The following FSHR variants were observed in gnomAD, a reference collection of about 807,000 sequenced individuals.
FSHR encodes follicle-stimulating hormone receptor.
In FSHR, 46 loss-of-function variants were observed where a neutral mutation model predicts 52.1. The observed-to-expected ratio is 0.88, with a 90% confidence interval of 0.70 to 1.13. The LOEUF (loss-of-function observed/expected upper bound fraction) is 1.13. Among genes scored for constraint, FSHR ranks in the 50% most tolerant of loss-of-function variants. FSHR has a pLI of 0.00. For missense variants in FSHR, 964 were observed against 834.6 expected (o/e 1.16, Z -1.91); for synonymous variants, 399 against 309.6 (o/e 1.29, Z -3.03).
intron 9 of FSHR, among the ~76,000 whole-genome samples, chr2:48,965,977 C>CACAT (rs1553427504): frequency 6.6e-6 from 1 of 152,150 alleles, no homozygotes; most frequent in Non-Finnish European, 1.5e-5. Context: ...AGTCAGTGAA[C>CACAT]AGATGCTTGG....
At chr2:49,009,093 G>A (rs1439339676) in intron 4 of FSHR, among the ~76,000 whole-genome samples, 1 of 151,498 alleles carries the variant, frequency 6.6e-6, no homozygotes, top group African/African-American at 2.4e-5. Context: ...TAGACATGAA[G>A]TCCTTGCCCA....
intron 4 of FSHR, chr2:49,014,879 C>T (rs1215662461): frequency 1.1e-5 from 5 of 468,826 alleles, no homozygotes; most frequent in African/African-American, 4.0e-5. Context: ...AGCATTTGTT[C>T]TGTCACTGAA....
At chr2:49,092,869 T>G (rs1670664190) in intron 1 of FSHR, among the ~76,000 whole-genome samples, 2 of 152,146 alleles carry the variant, frequency 1.3e-5, no homozygotes, top group South Asian at 4.2e-4. Flanking sequence ...TTTCACCATG[T>G]TGGGCAGGCT....
chr2:49,020,530 C>A (rs1426233521), intron 2 of FSHR, among the ~76,000 whole-genome samples: 1 of 149,482 alleles, frequency 6.7e-6, no homozygotes, highest in Non-Finnish European at 1.5e-5. Flanking sequence ...TTTTACAGGG[C>A]TAGATAGTAA....
rs142533697 is a variant in FSHR, at chr2:49,117,213, T to G, written c.152+37053A>C. On this transcript the variant is annotated intron_variant, in intron 1 of 9. Transcript: ENST00000406846. ...AACTACGGAATATCTAGCTTCTGTGTTTAATATTCACCCTTCCAGACTTCT... is the reference window on the plus strand; with the variant it reads ...AACTACGGAATATCTAGCTTCTGTGGTTAATATTCACCCTTCCAGACTTCT... Among the ~76,000 whole-genome samples, 558 of 152,302 alleles carry G rather than the reference T, an allele frequency of 3.7e-3. 5 individuals are homozygous for G. Among genetic ancestry groups the G allele is most frequent in the African/African-American group, 0.013 (525 of 41,564 alleles).
intron 8 of FSHR, among the ~76,000 whole-genome samples, chr2:48,976,993 C>T (rs549420282): frequency 2.0e-5 from 3 of 151,934 alleles, no homozygotes; most frequent in Non-Finnish European, 4.4e-5. Flanking sequence ...TTCAGTTATA[C>T]CTAATGTAGA....
intron 2 of FSHR, among the ~76,000 whole-genome samples, chr2:49,022,676 T>C (rs1431131503): frequency 3.3e-5 from 5 of 152,154 alleles, no homozygotes; most frequent in African/African-American, 4.8e-5. Context: ...CACTTTCTTC[T>C]ACCCTCCCTG....
At chr2:49,145,680 A>G (rs547371433) in intron 1 of FSHR, among the ~76,000 whole-genome samples, 2 of 152,134 alleles carry the variant, frequency 1.3e-5, no homozygotes, top group Non-Finnish European at 2.9e-5. Flanking sequence ...GAGCAAGGAA[A>G]AACATTGTCA....
chr2:49,060,765 C>T (rs1213284484), intron 2 of FSHR, among the ~76,000 whole-genome samples: 1 of 152,184 alleles, frequency 6.6e-6, no homozygotes, highest in Admixed American at 6.5e-5. Context: ...CTATTCTGGG[C>T]TTCTGAGATA....
At chr2:48,971,935 T>C (rs566875878) in intron 8 of FSHR, among the ~76,000 whole-genome samples, 4 of 152,320 alleles carry the variant, frequency 2.6e-5, no homozygotes, top group African/African-American at 9.6e-5. Context: ...AGACTTCTTT[T>C]CTCAATCTTC....
At chr2:49,148,909 C>T (rs767150248) in intron 1 of FSHR, among the ~76,000 whole-genome samples, 1 of 151,872 alleles carries the variant, frequency 6.6e-6, no homozygotes, top group Admixed American at 6.6e-5. Flanking sequence ...GAAATCACAA[C>T]ATGGTGGCAG....
intron 1 of FSHR, among the ~76,000 whole-genome samples, chr2:49,114,490 C>A (rs1010042858): frequency 6.6e-6 from 1 of 152,176 alleles, no homozygotes; most frequent in Non-Finnish European, 1.5e-5. Context: ...TTCACATTAA[C>A]TGGAAGTTCC....
In FSHR at chr2:48,972,962, G is replaced by C. The variant is rs144061273; in HGVS notation, c.669-4079C>G. 1.6e-3 allele frequency among the ~76,000 whole-genome samples: 251 copies of C among 152,228 alleles called. 1 individual carries two copies. The highest frequency in any genetic ancestry group is 5.9e-3 in the African/African-American group (247 of 41,524). The stretch of plus-strand genomic sequence containing the variant: ...CTCATATACTCTGTGGTAGATTAAA[G>C]ATGACTGCAAATTCTTTTACACTCT... On this transcript the variant is annotated intron_variant, in intron 8 of 9. Coordinates refer to ENST00000406846, the MANE Select transcript of FSHR (RefSeq NM_000145.4).
intron 4 of FSHR, among the ~76,000 whole-genome samples, chr2:49,001,960 C>T (rs540951605): frequency 6.6e-6 from 1 of 152,226 alleles, no homozygotes; most frequent in Admixed American, 6.6e-5. Context: ...CTTGGGTGAA[C>T]AGAATGCTTA....
chr2:48,997,648 T>C (rs1302620360), intron 4 of FSHR, among the ~76,000 whole-genome samples: 1 of 152,110 alleles, frequency 6.6e-6, no homozygotes, highest in Non-Finnish European at 1.5e-5. Context: ...ATTTACCTTT[T>C]AGGACAACTT....
At chr2:49,021,878 TATATATATAGAGAGAGAGAGAG>T (rs367834451) in intron 2 of FSHR, among the ~76,000 whole-genome samples, 3,944 of 60,642 alleles carry the variant, frequency 0.065, 116 homozygotes, top group Non-Finnish European at 0.087. Context: ...TATATATATA[TATATATATAGAGAGAGAGAGAG>T]AGAGAGAGAG....
intron 1 of FSHR, among the ~76,000 whole-genome samples, chr2:49,115,099 T>C (rs978662091): frequency 6.9e-6 from 1 of 144,168 alleles, no homozygotes; most frequent in Non-Finnish European, 1.5e-5. Context: ...AACCTTAGAG[T>C]GGTATGTGGA....
intron 2 of FSHR, among the ~76,000 whole-genome samples, chr2:49,038,062 C>G (rs1262371745): frequency 6.6e-6 from 1 of 151,996 alleles, no homozygotes; most frequent in Non-Finnish European, 1.5e-5. Flanking sequence ...CAAGAGATAT[C>G]AAAAGATAAT....
chr2:49,050,373 G>A (rs771681474), intron 2 of FSHR, among the ~76,000 whole-genome samples: 5 of 152,298 alleles, frequency 3.3e-5, no homozygotes, highest in Admixed American at 6.5e-5. Flanking sequence ...TTCACTCTGT[G>A]ACTATAGGAG....
Sources: gnomAD v4.1 joint callset for allele counts (sites outside exome capture counted in the v4.1 genomes callset) on GRCh38, gnomAD v4.1.1 for gene constraint, MANE v1.5 for transcripts, NCBI Gene and HGNC (gene_info 2026-07-23, HGNC 2026-07-21) for gene names.